The following ZBTB16 variants were observed in gnomAD, a reference collection of about 807,000 sequenced individuals.
The protein encoded by ZBTB16 is zinc finger and BTB domain containing 16.
A neutral mutation model predicts 56.8 loss-of-function variants in ZBTB16; 8 were observed. The ratio of observed to expected loss-of-function variants is 0.14; its 90% confidence interval spans 0.08 to 0.25. The LOEUF (loss-of-function observed/expected upper bound fraction) is 0.25, where lower values mean the gene tolerates loss of function less well. Ranked by LOEUF, ZBTB16 falls within the 10% of genes least tolerant of loss-of-function variation. The pLI is 1.00. For missense variants in ZBTB16, 625 were observed against 903.0 expected, an observed-to-expected ratio of 0.69 and a Z score of 3.95; for synonymous variants, 363 against 368.5, an observed-to-expected ratio of 0.98 and a Z score of 0.17.
At chr11:114,169,259 G>T (rs535349974) in intron 3 of ZBTB16, among the ~76,000 whole-genome samples, 16 of 152,210 alleles carry the variant, frequency 1.1e-4, no homozygotes, top group Admixed American at 1.0e-3. Flanking sequence ...TATTACTAGC[G>T]CCTTAGACTT....
chr11:114,218,943 G>A (rs971530802), intron 4 of ZBTB16, among the ~76,000 whole-genome samples: 4 of 152,160 alleles, frequency 2.6e-5, no homozygotes, highest in African/African-American at 4.8e-5. Context: ...CTAATCGTCC[G>A]CTTGAGTTTT....
intron 4 of ZBTB16, among the ~76,000 whole-genome samples, chr11:114,230,684 A>G (rs1301915662): frequency 6.6e-6 from 1 of 151,128 alleles, no homozygotes; most frequent in African/African-American, 2.4e-5. Flanking sequence ...AAATGAATAC[A>G]TCCTCTCCTT....
Position 114,250,248 on chromosome 11 carries a change from C to T in ZBTB16, c.1793-78C>T. 1 of 1,525,426 alleles carries T rather than the reference C, an allele frequency of 6.6e-7. No homozygotes were observed. The highest frequency in any genetic ancestry group is 9.0e-7 in the Non-Finnish European group (1 of 1,113,430). 94.5% of individuals were successfully genotyped at this position (1,525,426 alleles called of 1,614,324 possible). On this transcript the variant is annotated intron_variant, in intron 6 of 6. Transcript: ENST00000335953. The surrounding 1 kb of genome is among the most constrained non-coding windows in gnomAD (Gnocchi z 6.0). ...AGCTGGAGGAACCCAGCTTCCCTGG[C>T]ACGCCTGAGGGTGACATGGTGCCCT...
chr11:114,092,093 C>T (rs1380247340), intron 2 of ZBTB16, among the ~76,000 whole-genome samples: 3 of 152,118 alleles, frequency 2.0e-5, no homozygotes, highest in Admixed American at 1.3e-4. Context: ...AAGGAGGTCC[C>T]GGCCAGAGGG....
chr11:114,128,336 G>A (rs112777346), intron 2 of ZBTB16, among the ~76,000 whole-genome samples: 21 of 152,284 alleles, frequency 1.4e-4, no homozygotes, highest in African/African-American at 3.4e-4. Flanking sequence ...AGCACCTCCC[G>A]GATACGACAG....
At chr11:114,202,286 C>A (rs892822062) in intron 4 of ZBTB16, among the ~76,000 whole-genome samples, 3 of 152,162 alleles carry the variant, frequency 2.0e-5, no homozygotes, top group Admixed American at 2.0e-4. Context: ...ATATGGGAGA[C>A]TTGGGGATCA....
chr11:114,129,327 C>T (rs1182174783), intron 2 of ZBTB16, among the ~76,000 whole-genome samples: 1 of 152,228 alleles, frequency 6.6e-6, no homozygotes, highest in Non-Finnish European at 1.5e-5. Context: ...ATCCGTGGCG[C>T]AGCCACCGGA....
At chr11:114,187,480 CA>C (rs537321979) in intron 4 of ZBTB16, 128 of 248,226 alleles carry the variant, frequency 5.2e-4, no homozygotes, top group Non-Finnish European at 8.7e-4. Context: ...TGTCTAAAAT[CA>C]GCGTGTACGC....
chr11:114,230,458 C>G (rs1374861039), intron 4 of ZBTB16, among the ~76,000 whole-genome samples: 2 of 152,022 alleles, frequency 1.3e-5, no homozygotes, highest in African/African-American at 4.8e-5. Context: ...GCACTTTTCC[C>G]TTTTTGGCTA....
At chr11:114,072,413 G>A (rs1428203997) in intron 2 of ZBTB16, among the ~76,000 whole-genome samples, 7 of 152,176 alleles carry the variant, frequency 4.6e-5, no homozygotes, top group Non-Finnish European at 1.0e-4. Context: ...TCACTGATGC[G>A]GTGTCCTGTT....
In ZBTB16 at chr11:114,198,554, C is replaced by A. The variant is rs371147427; in HGVS notation, c.1453+11516C>A. 2.0e-5 allele frequency among the ~76,000 whole-genome samples: 3 copies of A among 152,100 alleles called. No homozygotes were observed. In the East Asian group the frequency reaches 5.8e-4, roughly 29 times the overall value. On this transcript the variant is annotated intron_variant, in intron 4 of 6. Coordinates refer to ENST00000335953, the MANE Select transcript of ZBTB16 (RefSeq NM_006006.6). Reference sequence around the variant, plus strand: ...CCCCTCTGGCCACCTTCTGGAGGGGCCCCCGATACTCTTTTTTAAATTAAT... The same window carrying A: ...CCCCTCTGGCCACCTTCTGGAGGGGACCCCGATACTCTTTTTTAAATTAAT...
intron 2 of ZBTB16, among the ~76,000 whole-genome samples, chr11:114,108,865 T>C (rs1354777841): frequency 1.3e-5 from 2 of 152,268 alleles, no homozygotes; most frequent in Non-Finnish European, 2.9e-5. Flanking sequence ...GAGCTCTTAA[T>C]GCCTTCTTGG....
intron 2 of ZBTB16, among the ~76,000 whole-genome samples, chr11:114,104,401 A>G (rs1422687758): frequency 6.6e-6 from 1 of 152,158 alleles, no homozygotes; most frequent in Non-Finnish European, 1.5e-5. Context: ...CCAAGATGTA[A>G]ACATTTCTTA....
At chr11:114,247,429 A>C in intron 6 of ZBTB16, 64 bp downstream of exon 6, 1 of 1,605,454 alleles carries the variant, frequency 6.2e-7, no homozygotes, top group Non-Finnish European at 8.5e-7. Flanking sequence ...GGAAGCAGAT[A>C]GTCTCCTAGA....
chr11:114,114,981 C>A (rs2137788945), intron 2 of ZBTB16, among the ~76,000 whole-genome samples: 1 of 152,278 alleles, frequency 6.6e-6, no homozygotes, highest in South Asian at 2.1e-4. Flanking sequence ...CTGTGCCTGG[C>A]CCAGGTCGTT....
At chr11:114,130,809 G>A (rs1420413195) in intron 2 of ZBTB16, among the ~76,000 whole-genome samples, 1 of 152,232 alleles carries the variant, frequency 6.6e-6, no homozygotes, top group Non-Finnish European at 1.5e-5. Flanking sequence ...GCATGTGTGT[G>A]TATGCGCATG....
intron 6 of ZBTB16, among the ~76,000 whole-genome samples, chr11:114,248,839 G>A (rs1227424571): frequency 6.6e-6 from 1 of 152,210 alleles, no homozygotes; most frequent in African/African-American, 2.4e-5. Context: ...GACCTGGCAG[G>A]TGGATCATTA....
At chr11:114,095,837 A>C (rs921819242) in intron 2 of ZBTB16, among the ~76,000 whole-genome samples, 1 of 152,098 alleles carries the variant, frequency 6.6e-6, no homozygotes, top group Non-Finnish European at 1.5e-5. Context: ...ATTTCCATGG[A>C]ATTAATTATT....
chr11:114,114,240 G>C (rs537276330), intron 2 of ZBTB16, among the ~76,000 whole-genome samples: 1 of 152,352 alleles, frequency 6.6e-6, no homozygotes, highest in East Asian at 1.9e-4. Flanking sequence ...TCTGTTGAAA[G>C]ACAGAATAAT....
Sources: allele counts gnomAD v4.1 joint callset (sites outside exome capture counted in the v4.1 genomes callset), GRCh38; gene constraint gnomAD v4.1.1; non-coding constraint Gnocchi (gnomAD v3.1); transcripts MANE v1.5; gene names NCBI Gene and HGNC (gene_info 2026-07-23, HGNC 2026-07-21).